The following RORA variants were observed in gnomAD, a reference collection of about 807,000 sequenced individuals.
RORA encodes RAR related orphan receptor A.
Under a neutral mutation model 69.5 loss-of-function variants are expected in RORA, and 7 were observed. The observed-to-expected ratio is 0.10, with a 90% CI of 0.06 to 0.19. RORA has a LOEUF of 0.19. Ranked by LOEUF, RORA falls within the 10% of genes least tolerant of loss-of-function variation. The pLI is 1.00. For synonymous variants in RORA, 261 were observed against 240.8 expected (o/e 1.08, Z -0.78); for missense variants, 457 against 663.0 (o/e 0.69, Z 3.41).
At chr15:60,741,069 T>C (rs926536677) in intron 1 of RORA, among the ~76,000 whole-genome samples, 1 of 152,256 alleles carries the variant, frequency 6.6e-6, no homozygotes, top group African/African-American at 2.4e-5. Flanking sequence ...GGACATCCCA[T>C]GCTCCAAGTC....
intron 1 of RORA, among the ~76,000 whole-genome samples, chr15:60,766,399 AACTGGAT>A (rs1486044489): frequency 5.9e-5 from 9 of 152,214 alleles, no homozygotes; most frequent in Non-Finnish European, 1.2e-4. Flanking sequence ...AGAATATACA[AACTGGAT>A]ATTCAAGCAG....
chr15:60,703,749 A>G (rs550996997), intron 1 of RORA, among the ~76,000 whole-genome samples: 96 of 152,324 alleles, frequency 6.3e-4, no homozygotes, highest in African/African-American at 2.2e-3. Flanking sequence ...GTCATAATTT[A>G]AGGTGCATTC....
intron 1 of RORA, among the ~76,000 whole-genome samples, chr15:60,753,624 G>A (rs1175223112): frequency 5.3e-5 from 8 of 152,160 alleles, no homozygotes; most frequent in Non-Finnish European, 1.0e-4. Context: ...ATAACACTAC[G>A]CCAAATCACA....
At chr15:60,800,513 C>T (rs952219613) in intron 1 of RORA, among the ~76,000 whole-genome samples, 3 of 152,230 alleles carry the variant, frequency 2.0e-5, no homozygotes, top group Admixed American at 6.5e-5. Flanking sequence ...CACATCGTTT[C>T]TTCCTTTGAT....
At chr15:60,883,148 A>AAG (rs1555459929) in intron 1 of RORA, among the ~76,000 whole-genome samples, 59 of 39,014 alleles carry the variant, frequency 1.5e-3, no homozygotes, top group African/African-American at 3.9e-3. Flanking sequence ...AAAAAAAAAA[A>AAG]AAAGAAAGAG....
chr15:60,872,895 G>A (rs1003556120), intron 1 of RORA, among the ~76,000 whole-genome samples: 8 of 151,910 alleles, frequency 5.3e-5, no homozygotes, highest in Non-Finnish European at 1.2e-4. Flanking sequence ...AGTGCTATGT[G>A]CTCTTCACCT....
In RORA at chr15:61,111,254, G is replaced by C. The variant is rs148018925; in HGVS notation, c.166+117799C>G. Among the ~76,000 whole-genome samples, 83 of 152,316 alleles carry C rather than the reference G, an allele frequency of 5.4e-4. 2 individuals carry two copies. Among genetic ancestry groups the C allele is most frequent in the African/African-American group, 1.9e-3 (80 of 41,566 alleles). ...CAAATCTCAAAACCTCCGTTAAGTA[G>C]TTCTAGAGGAGGTAGGGCTGGGTTT... On this transcript the variant is annotated intron_variant, in intron 1 of 10. Transcript: ENST00000335670.
At chr15:60,865,299 G>C (rs2073475594) in intron 1 of RORA, among the ~76,000 whole-genome samples, 1 of 152,152 alleles carries the variant, frequency 6.6e-6, no homozygotes, top group African/African-American at 2.4e-5. Flanking sequence ...AGTTGGTCTA[G>C]AAGATCTCCA....
intron 2 of RORA, among the ~76,000 whole-genome samples, chr15:60,553,688 G>A (rs1004249176): frequency 1.3e-4 from 20 of 152,096 alleles, no homozygotes; most frequent in African/African-American, 4.8e-4. Flanking sequence ...CCCTTGTAAA[G>A]GTGCCCTCTG....
At chr15:60,656,436 T>C (rs185652140) in intron 2 of RORA, among the ~76,000 whole-genome samples, 1 of 152,306 alleles carries the variant, frequency 6.6e-6, no homozygotes, top group East Asian at 1.9e-4. Context: ...AAAAACTTAC[T>C]AGACAAAGTA....
intron 1 of RORA, among the ~76,000 whole-genome samples, chr15:60,812,200 T>A (rs1242358823): frequency 6.6e-6 from 1 of 152,172 alleles, no homozygotes; most frequent in Non-Finnish European, 1.5e-5. Flanking sequence ...AACCTGTAAG[T>A]TTATTGTGAA....
At chr15:61,174,833 T>G (rs991411512) in intron 1 of RORA, among the ~76,000 whole-genome samples, 4 of 152,196 alleles carry the variant, frequency 2.6e-5, no homozygotes, top group African/African-American at 9.7e-5. Flanking sequence ...TCCATTCTTA[T>G]GCATATCTGA....
rs1217961871 is a variant in RORA, at chr15:60,558,473, T to C, written c.197-26622A>G. 4 of 538,044 alleles carry C rather than the reference T, an allele frequency of 7.4e-6. No individual in the cohort carries two copies. In the East Asian group the frequency reaches 9.3e-5, roughly 13 times the overall value. 33.3% of individuals were successfully genotyped at this position (538,044 alleles called of 1,614,324 possible). ...TTCAGATCATTAATGTCTGACTGAA[T>C]ATTTTTGTTGGGCAGTCCTGTTAAC... On this transcript the variant is annotated intron_variant, in intron 2 of 10. Coordinates refer to ENST00000335670, the MANE Select transcript of RORA (RefSeq NM_134261.3).
At chr15:60,819,273 A>G (rs1461459050) in intron 1 of RORA, among the ~76,000 whole-genome samples, 1 of 152,208 alleles carries the variant, frequency 6.6e-6, no homozygotes, top group Non-Finnish European at 1.5e-5. Context: ...ATGCTGTTGA[A>G]CTTTTCATGA....
In RORA at chr15:60,755,496, A is replaced by G. The variant is rs569701354; in HGVS notation, c.167-76810T>C. 3.0e-3 allele frequency among the ~76,000 whole-genome samples: 450 copies of G among 152,166 alleles called. 2 individuals carry two copies. The highest frequency in any genetic ancestry group is 0.01 in the African/African-American group (433 of 41,510). On this transcript the variant is annotated intron_variant, in intron 1 of 10. Transcript: ENST00000335670. ...ATGATTTATAATCCTTTGGGTATAT[A>G]CCCAGTAATGGGATGGCTGGGTCAA...
chr15:60,639,155 C>T (rs1046520815), intron 2 of RORA, among the ~76,000 whole-genome samples: 8 of 151,984 alleles, frequency 5.3e-5, no homozygotes, highest in Admixed American at 5.2e-4. Flanking sequence ...TTCACCACCC[C>T]CCTCCTCCCC....
rs576939508 is a variant in RORA at position 61,117,499 on chromosome 15, G to T, written c.166+111554C>A. Among the ~76,000 whole-genome samples, 4 of 152,194 alleles carry T rather than the reference G, an allele frequency of 2.6e-5. No individual in the cohort carries two copies. The South Asian group carries it at 8.3e-4, about 32-fold the overall frequency. On this transcript the variant is annotated intron_variant, in intron 1 of 10. Transcript: ENST00000335670. ...TACCTCCCAAAGTAAATTCTTTCCT[G>T]CTAAAAATATTTTGCTAGCAAATAT...
At chr15:60,713,073 C>T (rs1405106217) in intron 1 of RORA, among the ~76,000 whole-genome samples, 1 of 152,064 alleles carries the variant, frequency 6.6e-6, no homozygotes, top group Non-Finnish European at 1.5e-5. Flanking sequence ...AGACTGTGGC[C>T]AGGGCTTCCC....
chr15:61,215,637 T>C (rs753321639), intron 1 of RORA, among the ~76,000 whole-genome samples: 25 of 152,376 alleles, frequency 1.6e-4, no homozygotes, highest in Non-Finnish European at 2.5e-4. Flanking sequence ...TGACACAATA[T>C]GTATGTGTGC....
Sources: allele counts gnomAD v4.1 joint callset (sites outside exome capture counted in the v4.1 genomes callset), GRCh38; gene constraint gnomAD v4.1.1; transcripts MANE v1.5; gene names NCBI Gene and HGNC (gene_info 2026-07-23, HGNC 2026-07-21).